Variants in ZNF385C observed in about 807,000 individuals in gnomAD.
ZNF385C encodes CTD-2132N18.2.
Under a neutral mutation model 35.4 loss-of-function variants are expected in ZNF385C, and 28 were observed. That is an observed-to-expected ratio of 0.79 (90% CI 0.59 to 1.08). ZNF385C has a LOEUF of 1.08. ZNF385C is among the 50% of genes least tolerant of loss of function. The pLI is 0.00. For synonymous variants in ZNF385C, 248 were observed against 248.2 expected (o/e 1.00, Z 0.01); for missense variants, 605 against 595.6 (o/e 1.02, Z -0.16).
intron 1 of ZNF385C, among the ~76,000 whole-genome samples, chr17:42,097,361 T>C (rs2053929072): frequency 6.6e-6 from 1 of 152,052 alleles, no homozygotes; most frequent in African/African-American, 2.4e-5. Context: ...GAAGGTCGGA[T>C]ATGAGAACGA....
intron 2 of ZNF385C, among the ~76,000 whole-genome samples, chr17:42,055,609 G>A (rs2053361829): frequency 6.6e-6 from 1 of 152,180 alleles, no homozygotes; most frequent in Non-Finnish European, 1.5e-5. Flanking sequence ...CAGTATGTGT[G>A]TGGGAGGCCG....
chr17:42,040,737 G>A, intron 2 of ZNF385C: 1 of 1,232,390 alleles, frequency 8.1e-7, no homozygotes, highest in Non-Finnish European at 1.0e-6. Flanking sequence ...GGAGCTCAGG[G>A]ACCAAGTGGG....
chr17:42,094,481 G>T (rs1168821481), intron 1 of ZNF385C, among the ~76,000 whole-genome samples: 1 of 152,176 alleles, frequency 6.6e-6, no homozygotes, highest in Non-Finnish European at 1.5e-5. Flanking sequence ...AGAGAGAGAA[G>T]GGGTAGACAG....
intron 2 of ZNF385C, among the ~76,000 whole-genome samples, chr17:42,055,258 G>C (rs2053355252): frequency 6.6e-6 from 1 of 152,144 alleles, no homozygotes; most frequent in South Asian, 2.1e-4. Context: ...TTGTTTGTGT[G>C]GGGAGAGGAA....
At chr17:42,092,469 T>G (rs2053872864) in intron 1 of ZNF385C, among the ~76,000 whole-genome samples, 1 of 152,172 alleles carries the variant, frequency 6.6e-6, no homozygotes, top group Admixed American at 6.5e-5. Flanking sequence ...TTCTGTATAC[T>G]GCAAAGTTCT....
In ZNF385C at chr17:42,073,763, A is replaced by G. The variant is rs573145532; in HGVS notation, c.-2-10705T>C. On this transcript the variant is annotated intron_variant, in intron 1 of 8. Coordinates refer to ENST00000692273, the MANE Select transcript of ZNF385C (RefSeq NM_001392013.1). ...TGGAGAAGCAATAACAGGGCAAGAGAGCAAGAAAGAGCCAAGGAAAGCGGA... is the reference window on the plus strand; with the variant it reads ...TGGAGAAGCAATAACAGGGCAAGAGGGCAAGAAAGAGCCAAGGAAAGCGGA... Among the ~76,000 whole-genome samples the G allele has an allele frequency of 1.0e-3, 152 of 152,340 alleles. 1 individual carries two copies. Among genetic ancestry groups the G allele is most frequent in the African/African-American group, 3.5e-3 (147 of 41,588 alleles).
intron 1 of ZNF385C, among the ~76,000 whole-genome samples, chr17:42,093,566 TTTTTA>T (rs1208064016): frequency 2.0e-5 from 3 of 150,676 alleles, no homozygotes; most frequent in African/African-American, 7.4e-5. Flanking sequence ...TTTTTTTTAC[TTTTTA>T]TTTTATTTTA....
intron 1 of ZNF385C, among the ~76,000 whole-genome samples, chr17:42,064,109 C>T (rs1555658286): frequency 6.9e-6 from 1 of 143,966 alleles, no homozygotes; most frequent in African/African-American, 2.5e-5. Context: ...CACACACACA[C>T]ACACACACAC....
chr17:42,056,244 C>A (rs371754540), intron 2 of ZNF385C, among the ~76,000 whole-genome samples: 3 of 152,348 alleles, frequency 2.0e-5, no homozygotes, highest in East Asian at 3.9e-4. Flanking sequence ...GTCTCCCCAT[C>A]CCTAGCCAGA....
At position 42,026,811 on chromosome 17, in the gene ZNF385C, G is replaced by A; in HGVS notation, c.*86C>T. On this transcript the variant is annotated 3_prime_UTR_variant, in exon 9 of 9. Coordinates refer to ENST00000692273, the MANE Select transcript of ZNF385C (RefSeq NM_001392013.1). Reference sequence around the variant, plus strand: ...ACCCCTGAAGCTGTTCACAGTCCCTGTGGCATGTAGGAAACCAAGGTGTCT... The same window carrying A: ...ACCCCTGAAGCTGTTCACAGTCCCTATGGCATGTAGGAAACCAAGGTGTCT... 7.6e-7 allele frequency: 1 copy of A among 1,312,350 alleles called. No individual in the cohort carries two copies. Among genetic ancestry groups the A allele is most frequent in the Non-Finnish European group, 1.1e-6 (1 of 929,262 alleles). The allele number at this position is 1,312,350 out of a possible 1,614,324, so 81.3% of individuals were successfully genotyped here.
At chr17:42,066,955 G>C (rs1555658485) in intron 1 of ZNF385C, among the ~76,000 whole-genome samples, 1 of 152,154 alleles carries the variant, frequency 6.6e-6, no homozygotes. Flanking sequence ...TGTAATCCCA[G>C]GTACTCAGGA....
intron 2 of ZNF385C, chr17:42,039,501 G>A (rs2052951286): frequency 5.2e-6 from 2 of 387,366 alleles, no homozygotes; most frequent in East Asian, 3.9e-5. Flanking sequence ...CACCCGCCCA[G>A]GCCCCTCTTG....
chr17:42,053,837 C>T (rs1245802612), intron 2 of ZNF385C, among the ~76,000 whole-genome samples: 2 of 152,260 alleles, frequency 1.3e-5, no homozygotes, highest in Non-Finnish European at 2.9e-5. Context: ...CATCAGCACT[C>T]ACCCAAGAGC....
At chr17:42,052,034 C>G (rs1301820158) in intron 2 of ZNF385C, among the ~76,000 whole-genome samples, 3 of 152,188 alleles carry the variant, frequency 2.0e-5, no homozygotes, top group African/African-American at 7.2e-5. Flanking sequence ...AATTCTGCAC[C>G]CTGAAAGGGT....
At chr17:42,028,619 G>A (rs782224628) in intron 6 of ZNF385C, 164 bp downstream of exon 6, 247 of 871,436 alleles carry the variant, frequency 2.8e-4, no homozygotes, top group Non-Finnish European at 3.7e-4. Context: ...TCCCCAAGGA[G>A]TAATGGGAGG....
In ZNF385C at chr17:42,028,146, T is replaced by G; in HGVS notation, c.1068A>C (p.Arg356Ser). The change falls in exon 7 of 9, where the codon AGA becomes AGC. Residue 356 changes from arginine (R) to serine (S), a missense_variant. Arg to Ser is a moderately radical substitution (Grantham distance 110, BLOSUM62 -1). Transcript: ENST00000692273. ...GCCGGCCGCCCCGGCCCCCTGTGAC[T>G]CTCTTGGCTTTGTGTCCGGCACCTC... The part of the protein sequence containing the change: ...SRGGAGHKAK[R>S]VTGGRGGRQG... The G allele has an allele frequency of 6.2e-7, 1 of 1,610,958 alleles. No individual in the cohort carries two copies. The highest frequency in any genetic ancestry group is 8.5e-7 in the Non-Finnish European group (1 of 1,178,934).
At position 42,037,721 on chromosome 17, in the gene ZNF385C, C is replaced by T; in HGVS notation, c.399+16G>A. 1 of 1,506,224 alleles carries T rather than the reference C, an allele frequency of 6.6e-7. No individual in the cohort carries two copies. The highest frequency in any genetic ancestry group is 8.9e-7 in the Non-Finnish European group (1 of 1,126,376). The allele number at this position is 1,506,224 out of a possible 1,614,324, so 93.3% of individuals were successfully genotyped here. ...AAGCTTGTGTGCATGCCCCCACCCG[C>T]CAGCCCAGCCCATACCGTGCTGAAG... On this transcript the variant is annotated intron_variant, in intron 3 of 8. Coordinates refer to ENST00000692273, the MANE Select transcript of ZNF385C (RefSeq NM_001392013.1).
intron 1 of ZNF385C, among the ~76,000 whole-genome samples, chr17:42,070,421 G>C (rs1346191568): frequency 6.6e-6 from 1 of 152,188 alleles, no homozygotes; most frequent in African/African-American, 2.4e-5. Flanking sequence ...AATTGCAGTG[G>C]CCACACAGAG....
rs1298000476 is a variant in ZNF385C at position 42,050,101 on chromosome 17, G to A, written c.251-12216C>T. On this transcript the variant is annotated intron_variant, in intron 2 of 8. Transcript: ENST00000692273. The surrounding 1 kb of genome is among the most constrained non-coding windows in gnomAD (Gnocchi z 5.6). ...CAGTTGTGACCAAGGCTGACCAGGA[G>A]GGCACACTTGCTGCAGACACAGGTC... 6.6e-6 allele frequency among the ~76,000 whole-genome samples: 1 copy of A among 152,202 alleles called. No homozygotes were observed. The highest frequency in any genetic ancestry group is 1.9e-4 in the East Asian group (1 of 5,198).
Sources: gnomAD v4.1 joint callset for allele counts (sites outside exome capture counted in the v4.1 genomes callset) on GRCh38, gnomAD v4.1.1 for gene constraint, Gnocchi (gnomAD v3.1) non-coding constraint, MANE v1.5 for transcripts, NCBI Gene and HGNC (gene_info 2026-07-23, HGNC 2026-07-21) for gene names.